HERC5: variants seen among roughly 807,000 people sequenced by gnomAD.
The protein encoded by HERC5 is HECT and RLD domain containing E3 ubiquitin protein ligase 5.
A neutral mutation model predicts 119.6 loss-of-function variants in HERC5; 99 were observed. The ratio of observed to expected loss-of-function variants is 0.83; its 90% confidence interval spans 0.70 to 0.98. HERC5 has a LOEUF of 0.98. Ranked by LOEUF, HERC5 falls within the 50% of genes least tolerant of loss-of-function variation. The pLI, the probability that HERC5 is intolerant of heterozygous loss-of-function variation, is 0.00. For synonymous variants in HERC5, 478 were observed against 445.9 expected (o/e 1.07, Z -0.91); for missense variants, 1,267 against 1,241.3 (o/e 1.02, Z -0.31).
At chr4:88,497,301 A>T (rs1296232485) in intron 18 of HERC5, among the ~76,000 whole-genome samples, 2 of 152,180 alleles carry the variant, frequency 1.3e-5, no homozygotes, top group East Asian at 3.9e-4. Context: ...GAAGAAGAGG[A>T]GACCTCTAGA....
At chr4:88,505,378 G>C (rs888871267) in intron 22 of HERC5, among the ~76,000 whole-genome samples, 6 of 152,252 alleles carry the variant, frequency 3.9e-5, no homozygotes, top group Middle Eastern at 3.4e-3. Flanking sequence ...ATTGACTCAG[G>C]AGGCACTTAA....
intron 12 of HERC5, among the ~76,000 whole-genome samples, chr4:88,477,177 A>T (rs1234587190): frequency 1.5e-5 from 2 of 131,864 alleles, no homozygotes; most frequent in Non-Finnish European, 3.2e-5. Context: ...AGATAGATAG[A>T]TAGATAGTGA....
chr4:88,472,346 A>G (rs941038259), intron 10 of HERC5, 63 bp from the exon 11 acceptor site: 18 of 916,214 alleles, frequency 2.0e-5, no homozygotes, highest in Non-Finnish European at 3.0e-5. Flanking sequence ...GGCAAGCTCT[A>G]GAAGAAACTT....
chr4:88,500,847 G>A (rs1741925845), intron 19 of HERC5, 68 bp from the exon 20 acceptor site: 7 of 1,160,358 alleles, frequency 6.0e-6, no homozygotes, highest in Non-Finnish European at 8.8e-6. Context: ...GCTCCAAAGT[G>A]TTTTTATTGA....
At chr4:88,475,776 C>G in intron 11 of HERC5, 65 bp from the exon 12 acceptor site, 1 of 1,292,204 alleles carries the variant, frequency 7.7e-7, no homozygotes, top group Non-Finnish European at 1.1e-6. Context: ...TGTTTTATTA[C>G]CATCAGTTGC....
intron 8 of HERC5, 59 bp downstream of exon 8, chr4:88,468,481 T>C (rs1220392353): frequency 3.3e-6 from 4 of 1,208,270 alleles, no homozygotes; most frequent in Non-Finnish European, 4.8e-6. Flanking sequence ...CTAAGGGTTC[T>C]AGTATCCCAG....
At chr4:88,464,168 A>ATTTT (rs374132307) in intron 6 of HERC5, among the ~76,000 whole-genome samples, 183 bp downstream of exon 6, 1 of 111,220 alleles carries the variant, frequency 9.0e-6, no homozygotes, top group African/African-American at 3.4e-5. Context: ...GTTTTCTTTG[A>ATTTT]TTTTTTTTTT....
At chr4:88,478,765 C>G (rs906904166) in intron 12 of HERC5, among the ~76,000 whole-genome samples, 3 of 152,064 alleles carry the variant, frequency 2.0e-5, no homozygotes, top group African/African-American at 7.2e-5. Context: ...CATGTGCCAC[C>G]ACGCCCTGCT....
At chr4:88,478,257 T>C (rs1445674460) in intron 12 of HERC5, among the ~76,000 whole-genome samples, 4 of 152,246 alleles carry the variant, frequency 2.6e-5, no homozygotes, top group Non-Finnish European at 1.5e-5. Context: ...GAAAAATTTA[T>C]TACAAGTGTG....
At chr4:88,485,363 G>C (rs1741422108) in intron 13 of HERC5, among the ~76,000 whole-genome samples, 1 of 152,120 alleles carries the variant, frequency 6.6e-6, no homozygotes, top group Non-Finnish European at 1.5e-5. Context: ...TAAATGTAAG[G>C]CCAAGATCAT....
chr4:88,492,057 G>A (rs1250968175), intron 16 of HERC5, among the ~76,000 whole-genome samples: 1 of 152,188 alleles, frequency 6.6e-6, no homozygotes, highest in Middle Eastern at 3.4e-3. Flanking sequence ...AGGCTGGAGA[G>A]CAGTGGTGCG....
At chr4:88,501,062 C>A in intron 20 of HERC5, 77 bp downstream of exon 20, 3 of 977,694 alleles carry the variant, frequency 3.1e-6, no homozygotes, top group South Asian at 1.6e-5. Flanking sequence ...TTCCTTTTAG[C>A]TCTTTAATTT....
chr4:88,489,062 A>G, intron 15 of HERC5, 104 bp from the exon 16 acceptor site: 2 of 820,664 alleles, frequency 2.4e-6, no homozygotes, highest in Non-Finnish European at 3.9e-6. Context: ...CATAAATGTG[A>G]CCTGCACTTA....
chr4:88,475,441 C>T (rs1741028323), intron 11 of HERC5, among the ~76,000 whole-genome samples: 1 of 151,230 alleles, frequency 6.6e-6, no homozygotes, highest in Non-Finnish European at 1.5e-5. Flanking sequence ...GCCTCAGCCT[C>T]CCAAGGAGCT....
At chr4:88,465,547 C>T (rs888323337) in intron 6 of HERC5, among the ~76,000 whole-genome samples, 1 of 152,178 alleles carries the variant, frequency 6.6e-6, no homozygotes, top group Non-Finnish European at 1.5e-5. Flanking sequence ...GCGTTCTCTT[C>T]AATATTTATA....
intron 13 of HERC5, among the ~76,000 whole-genome samples, chr4:88,481,792 G>A (rs1483206113): frequency 6.6e-6 from 1 of 152,134 alleles, no homozygotes; most frequent in Non-Finnish European, 1.5e-5. Context: ...ATAACAGAGG[G>A]CTAGATTAGG....
chr4:88,470,794 C>G (rs1049054743), intron 10 of HERC5, 121 bp downstream of exon 10: 1 of 458,516 alleles, frequency 2.2e-6, no homozygotes, highest in Non-Finnish European at 3.9e-6. Context: ...TTTTTTTTAA[C>G]AAAAGTAAAT....
intron 10 of HERC5, 113 bp downstream of exon 10, chr4:88,470,786 T>A: frequency 2.1e-6 from 1 of 481,316 alleles, no homozygotes; most frequent in Non-Finnish European, 3.7e-6. Context: ...TTTAAAAATT[T>A]TTTTTAACAA....
In HERC5 at chr4:88,466,928, A is replaced by G. The variant is rs867033100; in HGVS notation, c.912-131A>G. The G allele has an allele frequency of 7.0e-5, 64 of 910,980 alleles. No homozygotes were observed. The South Asian group carries it at 1.1e-3, about 15-fold the overall frequency. 56.4% of individuals were successfully genotyped at this position (910,980 alleles called of 1,614,324 possible). On this transcript the variant is annotated intron_variant, in intron 6 of 22. Coordinates refer to ENST00000264350, the MANE Select transcript of HERC5 (RefSeq NM_016323.4). The stretch of plus-strand genomic sequence containing the variant: ...ATGTTGATTTCTTGGTTTCCAGATG[A>G]TTTTCATCCTCTAAGAGATGTTTAG...
Sources: gnomAD v4.1 joint callset for allele counts (sites outside exome capture counted in the v4.1 genomes callset) on GRCh38, gnomAD v4.1.1 for gene constraint, MANE v1.5 for transcripts, NCBI Gene and HGNC (gene_info 2026-07-23, HGNC 2026-07-21) for gene names.